The following CSMD3 variants were observed in gnomAD, a reference collection of about 807,000 sequenced individuals.
CSMD3 encodes the protein CUB and Sushi multiple domains 3, also known as CUB and sushi domain-containing protein 3.
In CSMD3, 177 loss-of-function variants were observed where a neutral mutation model predicts 435.2. That is an observed-to-expected ratio of 0.41 (90% CI 0.36 to 0.46). CSMD3 has a LOEUF of 0.46. Ranked by LOEUF, CSMD3 falls within the 20% of genes least tolerant of loss-of-function variation. CSMD3 has a pLI of 0.34. For missense variants in CSMD3, 4,265 were observed against 4,504.6 expected (o/e 0.95, Z 1.52); for synonymous variants, 1,656 against 1,520.5 (o/e 1.09, Z -2.07).
At chr8:112,917,284 T>G (rs1042606651) in intron 10 of CSMD3, among the ~76,000 whole-genome samples, 3 of 151,902 alleles carry the variant, frequency 2.0e-5, no homozygotes, top group African/African-American at 4.8e-5. Flanking sequence ...AAAATAAAAT[T>G]AAATGCTATA....
At chr8:113,390,651 C>T (rs2094457724) in intron 1 of CSMD3, among the ~76,000 whole-genome samples, 2 of 151,780 alleles carry the variant, frequency 1.3e-5, no homozygotes, top group East Asian at 1.9e-4. Context: ...AACGCTTTGT[C>T]TTATTATCTT....
intron 35 of CSMD3, among the ~76,000 whole-genome samples, chr8:112,401,995 G>A (rs979790510): frequency 5.3e-5 from 8 of 152,054 alleles, no homozygotes; most frequent in African/African-American, 7.2e-5. Flanking sequence ...ATTCTGCATC[G>A]AATACTTTTA....
At chr8:112,870,823 A>C (rs1398435727) in intron 10 of CSMD3, among the ~76,000 whole-genome samples, 1 of 152,172 alleles carries the variant, frequency 6.6e-6, no homozygotes, top group Admixed American at 6.5e-5. Context: ...TATTCTAGAA[A>C]AAAAAAGAAA....
chr8:112,453,650 A>T (rs2130618899), intron 32 of CSMD3, among the ~76,000 whole-genome samples: 1 of 152,306 alleles, frequency 6.6e-6, no homozygotes, highest in East Asian at 1.9e-4. Flanking sequence ...ATGCTCATAG[A>T]TTGGAAGGGT....
chr8:113,259,212 G>A (rs1489347836), intron 3 of CSMD3, among the ~76,000 whole-genome samples: 1 of 152,208 alleles, frequency 6.6e-6, no homozygotes, highest in Admixed American at 6.5e-5. Context: ...TGACTTGCTT[G>A]AGCCAATGAG....
At chr8:112,829,450 A>G (rs1438017535) in intron 12 of CSMD3, among the ~76,000 whole-genome samples, 1 of 152,164 alleles carries the variant, frequency 6.6e-6, no homozygotes, top group Non-Finnish European at 1.5e-5. Context: ...TCTATTGTTT[A>G]TAAGTCACCC....
chr8:112,281,725 G>T (rs776752153), intron 58 of CSMD3, among the ~76,000 whole-genome samples: 1 of 152,090 alleles, frequency 6.6e-6, no homozygotes, highest in Non-Finnish European at 1.5e-5. Flanking sequence ...GTAACAATGA[G>T]TGATGAGATG....
chr8:112,570,889 T>C (rs1328020428), intron 24 of CSMD3, among the ~76,000 whole-genome samples: 1 of 152,188 alleles, frequency 6.6e-6, no homozygotes, highest in African/African-American at 2.4e-5. Flanking sequence ...AAAAAATATT[T>C]ATAAATGTAT....
intron 35 of CSMD3, among the ~76,000 whole-genome samples, chr8:112,397,751 A>G (rs1830975339): frequency 6.6e-6 from 1 of 152,154 alleles, no homozygotes. Flanking sequence ...CAATACTATC[A>G]TCTTATGGGT....
At chr8:112,699,059 G>A (rs1215133522) in intron 13 of CSMD3, among the ~76,000 whole-genome samples, 1 of 152,158 alleles carries the variant, frequency 6.6e-6, no homozygotes, top group African/African-American at 2.4e-5. Flanking sequence ...TCAGCAGGAT[G>A]TGGGTGGGGC....
intron 13 of CSMD3, among the ~76,000 whole-genome samples, chr8:112,723,420 T>C (rs1009304240): frequency 2.0e-5 from 3 of 152,150 alleles, no homozygotes; most frequent in South Asian, 2.1e-4. Flanking sequence ...AGATTTAACA[T>C]GTCACATCTC....
chr8:112,787,243 C>T (rs1425468568), intron 13 of CSMD3, among the ~76,000 whole-genome samples: 1 of 152,086 alleles, frequency 6.6e-6, no homozygotes, highest in East Asian at 1.9e-4. Context: ...CTTTTAGCAT[C>T]TACCCAGTAA....
chr8:112,456,026 C>T (rs1248108849), intron 32 of CSMD3, among the ~76,000 whole-genome samples: 1 of 117,062 alleles, frequency 8.5e-6, no homozygotes, highest in Non-Finnish European at 1.8e-5. Context: ...TATACTCTGA[C>T]CACCTGAGTT....
intron 13 of CSMD3, among the ~76,000 whole-genome samples, chr8:112,756,902 G>A (rs933294570): frequency 2.0e-5 from 3 of 151,712 alleles, no homozygotes; most frequent in Non-Finnish European, 2.9e-5. Context: ...CCGAGTAGCT[G>A]GAACTACAGG....
intron 5 of CSMD3, among the ~76,000 whole-genome samples, chr8:113,020,807 T>C (rs2086659888): frequency 6.6e-6 from 1 of 152,180 alleles, no homozygotes; most frequent in South Asian, 2.1e-4. Flanking sequence ...TTAGTCATGC[T>C]AGGGGAACAG....
chr8:112,256,683 T>C (rs1439917013), intron 61 of CSMD3, among the ~76,000 whole-genome samples: 1 of 152,212 alleles, frequency 6.6e-6, no homozygotes, highest in Non-Finnish European at 1.5e-5. Context: ...AGAAAATACA[T>C]AACATATAAT....
At chr8:112,863,253 G>T (rs977193012) in intron 10 of CSMD3, among the ~76,000 whole-genome samples, 2 of 151,770 alleles carry the variant, frequency 1.3e-5, no homozygotes, top group East Asian at 1.9e-4. Context: ...TCTCACTCAA[G>T]AAAGATTTTC....
chr8:112,403,073 G>C (rs945549942), intron 35 of CSMD3, among the ~76,000 whole-genome samples: 3 of 152,158 alleles, frequency 2.0e-5, no homozygotes, highest in Non-Finnish European at 4.4e-5. Context: ...GGAACATTAA[G>C]TCCAGCTGAT....
intron 5 of CSMD3, among the ~76,000 whole-genome samples, chr8:113,049,333 C>T (rs1458680065): frequency 1.3e-5 from 2 of 151,954 alleles, no homozygotes; most frequent in Non-Finnish European, 2.9e-5. Flanking sequence ...AAACAAAGTG[C>T]CCAGGGGCCC....
Sources: allele counts gnomAD v4.1 joint callset (sites outside exome capture counted in the v4.1 genomes callset), GRCh38; gene constraint gnomAD v4.1.1; transcripts MANE v1.5; gene names NCBI Gene and HGNC (gene_info 2026-07-23, HGNC 2026-07-21).